Variants in AHDC1 observed in about 807,000 individuals in gnomAD.
AHDC1 encodes the protein transcription factor Gibbin.
Under a neutral mutation model 87.9 loss-of-function variants are expected in AHDC1, and 7 were observed. The ratio of observed to expected loss-of-function variants is 0.08; its 90% confidence interval spans 0.05 to 0.15. The LOEUF is 0.15. Ranked by LOEUF, AHDC1 falls within the 10% of genes least tolerant of loss-of-function variation. AHDC1 has a pLI of 1.00. For missense variants in AHDC1, 1,841 were observed against 2,253.2 expected (o/e 0.82, Z 3.70); for synonymous variants, 1,051 against 1,006.8 (o/e 1.04, Z -0.83).
At chr1:27,575,078 T>A (rs1442657146) in intron 3 of AHDC1, among the ~76,000 whole-genome samples, 1 of 152,086 alleles carries the variant, frequency 6.6e-6, no homozygotes, top group South Asian at 2.1e-4. Context: ...CTTGCCTCCC[T>A]CCTAGCAGCC....
rs772012884 is a variant in AHDC1, at chr1:27,547,744, A to G, written c.4372T>C (p.Ser1458Pro). 6.3e-7 allele frequency: 1 copy of G among 1,592,402 alleles called. No individual in the cohort carries two copies. The highest frequency in any genetic ancestry group is 8.6e-7 in the Non-Finnish European group (1 of 1,167,474). The stretch of plus-strand genomic sequence containing the variant: ...TAGGCTGTGCCCTTGCAGCTGGGGG[A>G]ATCGTAGTGGGGCTGGCCCAGCGGC... The part of the protein sequence containing the change: ...DLPLGQPHYD[S>P]PSCKGTAYWY... Residue 1458 changes from serine (S) to proline (P), a missense_variant, in exon 8 of 9, where the codon TCC (serine) becomes CCC (proline). Ser to Pro is a moderately conservative substitution (Grantham distance 74). Around this residue, in one of 13 missense-constraint regions of AHDC1, gnomAD observed 505 missense variants for 626.2 expected, o/e 0.81. Coordinates refer to ENST00000673934, the MANE Select transcript of AHDC1 (RefSeq NM_001371928.1). This position sits in a 1 kb window ranked among gnomAD's most constrained non-coding sequence, Gnocchi z 4.9.
chr1:27,580,352 G>C (rs892949164), intron 3 of AHDC1, among the ~76,000 whole-genome samples: 2 of 152,142 alleles, frequency 1.3e-5, no homozygotes, highest in Admixed American at 6.5e-5. Context: ...AATGAAATCC[G>C]CATCTCCAGC....
At position 27,550,951 on chromosome 1, in the gene AHDC1, T is replaced by C; in HGVS notation, c.1165A>G (p.Arg389Gly). The C allele has an allele frequency of 6.3e-7, 1 of 1,598,712 alleles. No individual in the cohort carries two copies. The highest frequency in any genetic ancestry group is 8.5e-7 in the Non-Finnish European group (1 of 1,178,414). ...CGCCGGCGACACAGGATCTTTGGCC[T>C]ATCAGTGCGCCGCAAGGCGTACTTG... is the stretch of plus-strand genomic sequence containing the variant. ...HPKYALRRTD[R>G]PKILCRRRKA... is the part of the protein sequence containing the mutation. Residue 389 changes from arginine to glycine, a missense_variant, in exon 8 of 9, where the codon AGG (arginine) becomes GGG (glycine). Physicochemically the swap from Arg to Gly is moderately radical, Grantham distance 125. This residue lies in a region of AHDC1 where 370 missense variants were observed against 391.5 expected (regional missense o/e 0.95). Transcript: ENST00000673934.
In AHDC1 at chr1:27,551,298, G is replaced by A. The variant is rs746845398; in HGVS notation, c.818C>T (p.Pro273Leu). Reference sequence around the variant, plus strand: ...GCGGGGCTGGGGGTCCAGGAGCTGAGGCTCCGGCTCGGGCGATGGTGGCTC... The same window carrying A: ...GCGGGGCTGGGGGTCCAGGAGCTGAAGCTCCGGCTCGGGCGATGGTGGCTC... ...ALEPPSPEPEPQLLDPQPRFL... is the reference protein window; with the variant it reads ...ALEPPSPEPELQLLDPQPRFL... Residue 273 changes from proline to leucine, a missense_variant, in exon 8 of 9, where the codon CCT becomes CTT. By Grantham distance (98) the Pro-to-Leu change is moderately conservative. Around this residue, in one of 13 missense-constraint regions of AHDC1, gnomAD observed 370 missense variants for 391.5 expected, o/e 0.95. Transcript: ENST00000673934. The A allele has an allele frequency of 1.2e-6, 2 of 1,611,432 alleles. No homozygotes were observed. The highest frequency in any genetic ancestry group is 1.7e-6 in the Non-Finnish European group (2 of 1,179,286).
chr1:27,600,073 G>A (rs754449097), intron 3 of AHDC1, among the ~76,000 whole-genome samples: 9 of 152,022 alleles, frequency 5.9e-5, no homozygotes, highest in Non-Finnish European at 1.0e-4. Context: ...ACCTCCAGGG[G>A]CTGTAATTCC....
chr1:27,592,704 T>C lies in AHDC1; in HGVS notation c.-629+10693A>G, dbSNP rs551535731. ...CACCCTTGCACCCCTCTGGACTCGG[T>C]TGCTCCATCTGCAAAATGGAGGGGC... On this transcript the variant is annotated intron_variant, in intron 3 of 8. Coordinates refer to ENST00000673934, the MANE Select transcript of AHDC1 (RefSeq NM_001371928.1). 8.4e-4 allele frequency among the ~76,000 whole-genome samples: 128 copies of C among 152,156 alleles called. 2 individuals carry two copies. The highest frequency in any genetic ancestry group is 1.9e-3 in the East Asian group (10 of 5,158).
intron 8 of AHDC1, among the ~76,000 whole-genome samples, chr1:27,545,622 C>G (rs1261609113): frequency 6.6e-6 from 1 of 152,090 alleles, no homozygotes; most frequent in African/African-American, 2.4e-5. Context: ...CATTTTAAAC[C>G]CTAAGCAGTT....
At chr1:27,544,651 G>A (rs2019084100) in intron 8 of AHDC1, among the ~76,000 whole-genome samples, 1 of 152,216 alleles carries the variant, frequency 6.6e-6, no homozygotes, top group African/African-American at 2.4e-5. Context: ...CTCCTTCTCT[G>A]TATCTCCAAC....
In AHDC1 at chr1:27,558,797, GC is replaced by G; in HGVS notation, c.-543del. ...TGGTCTCTGCAACGGCCTGAGCGTC[GC>G]CCCGCACTCGGGGCCCTCTGCACAC... On this transcript the variant is annotated 5_prime_UTR_variant, in exon 4 of 9. An upstream open reading frame in the 5' UTR gains an earlier in-frame stop. Transcript: ENST00000673934. This position sits in a 1 kb window ranked among gnomAD's most constrained non-coding sequence, Gnocchi z 5.6. 2.5e-6 allele frequency: 1 copy of G among 398,620 alleles called. No individual in the cohort carries two copies. Among genetic ancestry groups the G allele is most frequent in the South Asian group, 1.3e-4 (1 of 7,860 alleles). 24.7% of individuals were successfully genotyped at this position (398,620 alleles called of 1,614,324 possible).
intron 3 of AHDC1, among the ~76,000 whole-genome samples, chr1:27,559,436 C>T (rs930301175): frequency 1.3e-5 from 2 of 152,188 alleles, no homozygotes; most frequent in African/African-American, 4.8e-5. Context: ...TATACATGCA[C>T]ATATACTATA....
intron 3 of AHDC1, among the ~76,000 whole-genome samples, chr1:27,575,500 G>A (rs1444167086): frequency 6.6e-6 from 1 of 152,000 alleles, no homozygotes; most frequent in South Asian, 2.1e-4. Context: ...CGCCCCCTAG[G>A]GTCGGGCGCC....
In AHDC1 at chr1:27,565,218, A is replaced by C. The variant is rs1450366056; in HGVS notation, c.-628-6335T>G. Among the ~76,000 whole-genome samples the C allele has an allele frequency of 1.4e-5, 2 of 147,408 alleles. No individual in the cohort carries two copies. The highest frequency in any genetic ancestry group is 3.0e-5 in the Non-Finnish European group (2 of 66,878). On this transcript the variant is annotated intron_variant, in intron 3 of 8. Coordinates refer to ENST00000673934, the MANE Select transcript of AHDC1 (RefSeq NM_001371928.1). This position sits in a 1 kb window ranked among gnomAD's most constrained non-coding sequence, Gnocchi z 4.6. ...AGGGGGCCCAGCATGCCTTGCGTGCAACCTGCCTCCCCCAGGCACCCCTAC... is the reference window on the plus strand; with the variant it reads ...AGGGGGCCCAGCATGCCTTGCGTGCCACCTGCCTCCCCCAGGCACCCCTAC...
rs79119061 is a variant in AHDC1 at position 27,587,166 on chromosome 1, C to T, written c.-629+16231G>A. On this transcript the variant is annotated intron_variant, in intron 3 of 8. Transcript: ENST00000673934. ...CCCTCCTACACAAGACTAATCGGCT[C>T]ATTGCACAGATGGGGAAACTGAGGC... Among the ~76,000 whole-genome samples the T allele has an allele frequency of 8.3e-4, 127 of 152,354 alleles. 1 individual carries two copies. The highest frequency in any genetic ancestry group is 3.4e-3 in the Middle Eastern group (1 of 294).
chr1:27,551,891 T>G lies in AHDC1; in HGVS notation c.225A>C (p.Pro75=). ...GCGGGTCGTCCCCCTTGGCAAGGAC[T>G]GGTGGGCGCCGGGTGCTGGGGTCCC... ...PRRDPSTRRP[P]VLAKGDDPLP... The change falls in exon 8 of 9, where the codon CCA becomes CCC. Residue 75 remains proline, a synonymous_variant. Transcript: ENST00000673934. 1 of 1,598,304 alleles carries G rather than the reference T, an allele frequency of 6.3e-7. No individual in the cohort carries two copies. The highest frequency in any genetic ancestry group is 1.1e-5 in the South Asian group (1 of 90,134).
intron 3 of AHDC1, among the ~76,000 whole-genome samples, chr1:27,580,858 T>C (rs540215025): frequency 9.9e-5 from 15 of 152,256 alleles, no homozygotes; most frequent in Admixed American, 2.6e-4. Flanking sequence ...TTTTTTGAGA[T>C]GGAGTCTCGC....
chr1:27,575,284 A>T (rs550070100), intron 3 of AHDC1, among the ~76,000 whole-genome samples: 2 of 152,196 alleles, frequency 1.3e-5, no homozygotes, highest in East Asian at 1.9e-4. Context: ...CTCCTGGAGG[A>T]GGTGACGGGC....
Position 27,550,352 on chromosome 1 carries a change from C to T in AHDC1, c.1764G>A (p.Arg588=), listed in dbSNP as rs1553159304. The T allele has an allele frequency of 6.2e-7, 1 of 1,614,068 alleles. No individual in the cohort carries two copies. Among genetic ancestry groups the T allele is most frequent in the Non-Finnish European group, 8.5e-7 (1 of 1,179,992 alleles). The change falls in exon 8 of 9, where the codon CGG becomes CGA. Residue 588 remains arginine (R), a synonymous_variant. Transcript: ENST00000673934. ...GAGATGCCAGCTTCTGCTTCCGCCG[C>T]CGTCGTTTTTTTACCTCTGGCATGG... ...TMAMPEVKKR[R]RRKQKLASPQ...
intron 3 of AHDC1, among the ~76,000 whole-genome samples, chr1:27,570,991 C>G (rs1014849088): frequency 1.3e-5 from 2 of 152,090 alleles, no homozygotes; most frequent in Non-Finnish European, 2.9e-5. Flanking sequence ...ACTCTCCCAT[C>G]CCCCCAGCCT....
Position 27,551,158 on chromosome 1 carries a change from G to C in AHDC1, c.958C>G (p.Leu320Val). The C allele has an allele frequency of 6.2e-7, 1 of 1,607,460 alleles. No homozygotes were observed. Among genetic ancestry groups the C allele is most frequent in the Non-Finnish European group, 8.5e-7 (1 of 1,177,710 alleles). The change falls in exon 8 of 9, where the codon CTG (leucine) becomes GTG (valine). Residue 320 changes from leucine (L) to valine (V), a missense_variant. Leu to Val is a conservative substitution (Grantham distance 32). Coordinates refer to ENST00000673934, the MANE Select transcript of AHDC1 (RefSeq NM_001371928.1). Reference protein sequence around the residue: ...PGLALQALDTLPDSLESQLLD... With the variant: ...PGLALQALDTVPDSLESQLLD... Reference sequence around the variant, plus strand: ...AGCTGCGACTCCAAGGAGTCAGGCAGGGTGTCCAGGGCCTGGAGAGCCAGG... The same window carrying C: ...AGCTGCGACTCCAAGGAGTCAGGCACGGTGTCCAGGGCCTGGAGAGCCAGG...
Sources: allele counts gnomAD v4.1 joint callset (sites outside exome capture counted in the v4.1 genomes callset), GRCh38; gene constraint gnomAD v4.1.1; regional missense constraint gnomAD v4.1.1; non-coding constraint Gnocchi (gnomAD v3.1); transcripts MANE v1.5; gene names NCBI Gene and HGNC (gene_info 2026-07-23, HGNC 2026-07-21).